The following STAB2 variants were observed in gnomAD, a reference collection of about 807,000 sequenced individuals.
STAB2 encodes stabilin-2.
Under a neutral mutation model 338.1 loss-of-function variants are expected in STAB2, and 288 were observed. That is an observed-to-expected ratio of 0.85 (90% CI 0.77 to 0.94). The LOEUF is 0.94. Among genes scored for constraint, STAB2 ranks in the 40% least tolerant of loss-of-function variants. The pLI is 0.00. For synonymous variants in STAB2, 1,202 were observed against 1,193.3 expected, an observed-to-expected ratio of 1.01 and a Z score of -0.15; for missense variants, 3,141 against 3,210.1, an observed-to-expected ratio of 0.98 and a Z score of 0.52.
At chr12:103,689,513 T>C (rs929331220) in intron 28 of STAB2, among the ~76,000 whole-genome samples, 22 of 151,460 alleles carry the variant, frequency 1.5e-4, no homozygotes, top group African/African-American at 5.3e-4. Context: ...AAATGAATGC[T>C]CAAGGTTCTC....
intron 3 of STAB2, among the ~76,000 whole-genome samples, chr12:103,606,215 C>T (rs1363884798): frequency 1.3e-5 from 2 of 152,102 alleles, no homozygotes; most frequent in African/African-American, 4.8e-5. Flanking sequence ...CTACATTTAA[C>T]TGATATTACA....
Position 103,648,936 on chromosome 12 carries a change from C to G in STAB2, c.1174+113C>G. 4.2e-6 allele frequency: 6 copies of G among 1,441,590 alleles called. No individual in the cohort carries two copies. The South Asian group carries it at 8.4e-5, about 20-fold the overall frequency. 89.3% of individuals were successfully genotyped at this position (1,441,590 alleles called of 1,614,324 possible). On this transcript the variant is annotated intron_variant, in intron 10 of 68. Coordinates refer to ENST00000388887, the MANE Select transcript of STAB2 (RefSeq NM_017564.10). ...GCGAGCCTTGTCTATTAGAATCAGC[C>G]TTTTTGGAGGGGTCATGCAGGTGAG...
intron 33 of STAB2, among the ~76,000 whole-genome samples, chr12:103,696,886 T>TG (rs1353600836): frequency 6.6e-6 from 1 of 152,014 alleles, no homozygotes; most frequent in African/African-American, 2.4e-5. Flanking sequence ...AGCTCTGCTA[T>TG]GGGGGAGGAT....
At chr12:103,594,272 C>T in intron 2 of STAB2, 123 bp from the exon 3 acceptor site, 2 of 668,186 alleles carry the variant, frequency 3.0e-6, no homozygotes, top group Non-Finnish European at 5.2e-6. Flanking sequence ...AAATGTGTTC[C>T]ATCTAGATAT....
At chr12:103,761,434 A>G in intron 66 of STAB2, 24 bp downstream of exon 66, 1 of 1,606,860 alleles carries the variant, frequency 6.2e-7, no homozygotes, top group Non-Finnish European at 8.5e-7. Context: ...GTCCCTGATA[A>G]CGGGCCAGGA....
At chr12:103,756,427 C>T (rs1040459071) in intron 63 of STAB2, among the ~76,000 whole-genome samples, 3 of 152,180 alleles carry the variant, frequency 2.0e-5, no homozygotes, top group African/African-American at 4.8e-5. Flanking sequence ...GCCTTGACCA[C>T]CATTGTCTCC....
intron 30 of STAB2, among the ~76,000 whole-genome samples, 178 bp from the exon 31 acceptor site, chr12:103,692,634 T>TGA (rs66556393): frequency 1.5e-4 from 23 of 151,152 alleles, no homozygotes; most frequent in African/African-American, 2.9e-4. Flanking sequence ...TGCACGTGTG[T>TGA]GAGAGAGAGA....
chr12:103,688,477 G>T (rs1877632170), intron 28 of STAB2, among the ~76,000 whole-genome samples: 1 of 152,178 alleles, frequency 6.6e-6, no homozygotes, highest in African/African-American at 2.4e-5. Flanking sequence ...CAGAAAGGGG[G>T]CTTCATTCAT....
At chr12:103,603,313 G>T (rs962695770) in intron 3 of STAB2, among the ~76,000 whole-genome samples, 1 of 152,066 alleles carries the variant, frequency 6.6e-6, no homozygotes, top group African/African-American at 2.4e-5. Flanking sequence ...CTCGTGATCT[G>T]CCCACCTCAG....
Position 103,673,929 on chromosome 12 carries a change from A to T in STAB2, c.2394A>T (p.Thr798=). Residue 798 remains threonine (T), a synonymous_variant, in exon 23 of 69, where the codon ACA becomes ACT. Coordinates refer to ENST00000388887, the MANE Select transcript of STAB2 (RefSeq NM_017564.10). ...CAGAATGCCTGTGCGTTCACGGAAC[A>T]TGCAATAACAGGATAGACAGCGATG... The part of the protein sequence containing the change: ...CNKKCLCVHG[T]CNNRIDSDGA... 1 of 1,613,252 alleles carries T rather than the reference A, an allele frequency of 6.2e-7. No homozygotes were observed. The highest frequency in any genetic ancestry group is 8.5e-7 in the Non-Finnish European group (1 of 1,179,334).
At chr12:103,665,224 G>A (rs575409094) in intron 18 of STAB2, among the ~76,000 whole-genome samples, 1 of 152,352 alleles carries the variant, frequency 6.6e-6, no homozygotes, top group South Asian at 2.1e-4. Context: ...TTTAGGACTA[G>A]CAAAGAGTAG....
At chr12:103,702,058 A>T (rs1032693533) in intron 34 of STAB2, among the ~76,000 whole-genome samples, 2 of 150,752 alleles carry the variant, frequency 1.3e-5, no homozygotes, top group Non-Finnish European at 2.9e-5. Flanking sequence ...ATTTGCTTCC[A>T]GTTATATATG....
Position 103,654,621 on chromosome 12 carries a change from A to T in STAB2, c.1474A>T (p.Ile492Phe). 6.2e-7 allele frequency: 1 copy of T among 1,614,190 alleles called. No homozygotes were observed. The highest frequency in any genetic ancestry group is 1.7e-4 in the Middle Eastern group (1 of 6,060). ...KKVKIIQGDI[I>F]ASNGLLHILD... The stretch of plus-strand genomic sequence containing the variant: ...GGTAAAAATTATACAAGGGGACATC[A>T]TTGCTTCCAATGGGCTTCTGCACAT... The change falls in exon 13 of 69, where the codon ATT (isoleucine) becomes TTT (phenylalanine). Residue 492 changes from isoleucine to phenylalanine, a missense_variant. By Grantham distance (21) the Ile-to-Phe change is conservative (BLOSUM62 0). Coordinates refer to ENST00000388887, the MANE Select transcript of STAB2 (RefSeq NM_017564.10).
chr12:103,594,416 A>G lies in STAB2; in HGVS notation c.237A>G (p.Thr79=). The change falls in exon 3 of 69, where the codon ACA becomes ACG. Residue 79 remains threonine, a synonymous_variant. Transcript: ENST00000388887. ...RDCRYTFEVR[T]YSLSLPGCRH... ...CAAGGTACACCTTTGAGGTCAGAAC[A>G]TACTCTCTGTCTCTCCCCGGATGCC... 1 of 1,613,812 alleles carries G rather than the reference A, an allele frequency of 6.2e-7. No individual in the cohort carries two copies. The highest frequency in any genetic ancestry group is 8.5e-7 in the Non-Finnish European group (1 of 1,179,806).
intron 58 of STAB2, 69 bp from the exon 59 acceptor site, chr12:103,748,894 A>C: frequency 6.5e-7 from 1 of 1,534,624 alleles, no homozygotes. Flanking sequence ...GTGGTGCCCC[A>C]TACCCTGACC....
chr12:103,743,227 G>A (rs947781398), intron 56 of STAB2, among the ~76,000 whole-genome samples: 9 of 151,924 alleles, frequency 5.9e-5, no homozygotes, highest in African/African-American at 2.2e-4. Flanking sequence ...TCTCCATGTT[G>A]GTCAGGCTGG....
chr12:103,677,975 C>T (rs953651396), intron 25 of STAB2, among the ~76,000 whole-genome samples: 1 of 152,162 alleles, frequency 6.6e-6, no homozygotes, highest in African/African-American at 2.4e-5. Flanking sequence ...TAATGGAGGA[C>T]AACGCAGAGA....
At chr12:103,711,963 G>C (rs1041317171) in intron 40 of STAB2, among the ~76,000 whole-genome samples, 9 of 152,208 alleles carry the variant, frequency 5.9e-5, no homozygotes, top group African/African-American at 2.2e-4. Context: ...ACATGATCTT[G>C]AGTCCAACGT....
intron 25 of STAB2, among the ~76,000 whole-genome samples, chr12:103,678,831 C>A (rs1876631130): frequency 6.6e-6 from 1 of 152,076 alleles, no homozygotes; most frequent in Admixed American, 6.5e-5. Context: ...CATGCCCAGC[C>A]AATCTTCCTT....
Sources: allele counts gnomAD v4.1 joint callset (sites outside exome capture counted in the v4.1 genomes callset), GRCh38; gene constraint gnomAD v4.1.1; transcripts MANE v1.5; gene names NCBI Gene and HGNC (gene_info 2026-07-23, HGNC 2026-07-21).